Variants in TRIM66 observed in about 807,000 individuals in gnomAD.
The protein encoded by TRIM66 is tripartite motif-containing protein 66.
TRIM66 carries 99 observed loss-of-function variants against 148.2 expected under a neutral mutation model. That is an observed-to-expected ratio of 0.67 (90% CI 0.57 to 0.79). The LOEUF (loss-of-function observed/expected upper bound fraction) is 0.79, where lower values mean the gene tolerates loss of function less well. Among genes scored for constraint, TRIM66 ranks in the 30% least tolerant of loss-of-function variants. The probability of loss-of-function intolerance (pLI) is 0.00; values close to 1 mark genes in which losing one functional copy is unlikely to be tolerated. For synonymous variants in TRIM66, 616 were observed against 635.9 expected, an observed-to-expected ratio of 0.97 and a Z score of 0.47; for missense variants, 1,666 against 1,697.9, an observed-to-expected ratio of 0.98 and a Z score of 0.33.
At position 8,621,321 on chromosome 11, in the gene TRIM66, C is replaced by T; in HGVS notation, c.3256G>A (p.Val1086Ile). The change falls in exon 20 of 25, where the codon GTC becomes ATC. Residue 1086 changes from valine (V) to isoleucine (I), a missense_variant and splice_region_variant. By Grantham distance (29) the Val-to-Ile change is conservative. This residue lies in a region of TRIM66 where 1,431 missense variants were observed against 1,412.4 expected (regional missense o/e 1.01). Coordinates refer to ENST00000646038, the MANE Select transcript of TRIM66 (RefSeq NM_001388022.1). ...GTESSSMSIKVSQDRLSEATQ... is the reference protein window; with the variant it reads ...GTESSSMSIKISQDRLSEATQ... Reference sequence around the variant, plus strand: ...GCCTCAGACAGTCTGTCCTGGCTGACCTTGGGGAAGAAGTAAGTCTGGGCA... The same window carrying T: ...GCCTCAGACAGTCTGTCCTGGCTGATCTTGGGGAAGAAGTAAGTCTGGGCA... 1.3e-6 allele frequency: 2 copies of T among 1,548,486 alleles called. No homozygotes were observed. The highest frequency in any genetic ancestry group is 1.7e-6 in the Non-Finnish European group (2 of 1,144,948).
At position 8,640,731 on chromosome 11, in the gene TRIM66, C is replaced by A; in HGVS notation, c.1644G>T (p.Gly548=). The A allele has an allele frequency of 3.2e-6, 5 of 1,551,454 alleles. No individual in the cohort carries two copies. Among genetic ancestry groups the A allele is most frequent in the Non-Finnish European group, 4.4e-6 (5 of 1,146,976 alleles). Residue 548 remains glycine, a synonymous_variant, in exon 14 of 25, where the codon GGG becomes GGT. Coordinates refer to ENST00000646038, the MANE Select transcript of TRIM66 (RefSeq NM_001388022.1). Reference sequence around the variant, plus strand: ...ACACGGGCTGGGAAGTCAGCTGCTGCCCCAGCCGCTGGGATGTGCTCTCCT... The same window carrying A: ...ACACGGGCTGGGAAGTCAGCTGCTGACCCAGCCGCTGGGATGTGCTCTCCT... ...VEQESTSQRL[G]QQLTSQPVCI... is the part of the protein sequence containing the mutation.
At chr11:8,638,410 C>G (rs115418390) in intron 15 of TRIM66, among the ~76,000 whole-genome samples, 373 of 152,298 alleles carry the variant, frequency 2.4e-3, no homozygotes, top group African/African-American at 8.6e-3. Flanking sequence ...CTTTCCCTTC[C>G]TCCTTCCACT....
At chr11:8,622,706 G>T in intron 18 of TRIM66, 110 bp downstream of exon 18, 1 of 1,033,878 alleles carries the variant, frequency 9.7e-7, no homozygotes, top group South Asian at 1.4e-5. Context: ...GGCAGTTGCA[G>T]GCAAATTTCT....
In TRIM66 at chr11:8,672,286, A is replaced by G; in HGVS notation, c.-12T>C. The G allele has an allele frequency of 6.5e-7, 1 of 1,536,134 alleles. No homozygotes were observed. Among genetic ancestry groups the G allele is most frequent in the Non-Finnish European group, 8.7e-7 (1 of 1,146,904 alleles). ...GAGAGTCTAGCCATCTCTGCCGTGG[A>G]AAACAAAGCGTGGAGGTGTCTGCTG... On this transcript the variant is annotated 5_prime_UTR_variant, in exon 5 of 25. Transcript: ENST00000646038.
At chr11:8,644,976 T>G (rs909437195) in intron 12 of TRIM66, among the ~76,000 whole-genome samples, 12 of 152,232 alleles carry the variant, frequency 7.9e-5, no homozygotes, top group African/African-American at 2.9e-4. Context: ...TTCTAACCTC[T>G]GACCATTGCT....
chr11:8,612,608 A>C lies in TRIM66; in HGVS notation c.*5336T>G, dbSNP rs757117323. ...CCAATAGCTGCCTCCAACTCCAGAA[A>C]CAACTGGAGCAAGCAGGTGGTGGTG... On this transcript the variant is annotated 3_prime_UTR_variant, in exon 25 of 25. Coordinates refer to ENST00000646038, the MANE Select transcript of TRIM66 (RefSeq NM_001388022.1). 3.3e-5 allele frequency: 5 copies of C among 152,232 alleles called. No individual in the cohort carries two copies. The highest frequency in any genetic ancestry group is 7.3e-5 in the Non-Finnish European group (5 of 68,064). 9.4% of individuals were successfully genotyped at this position (152,232 alleles called of 1,614,324 possible).
At chr11:8,620,217 T>C in intron 21 of TRIM66, 93 bp from the exon 22 acceptor site, 2 of 1,348,314 alleles carry the variant, frequency 1.5e-6, no homozygotes, top group Non-Finnish European at 2.0e-6. Flanking sequence ...CCTGGCTCTG[T>C]CCCACAGGAT....
rs1044049623 is a variant in TRIM66 at position 8,640,769 on chromosome 11, G to A, written c.1606C>T (p.Pro536Ser). The change falls in exon 14 of 25, where the codon CCC becomes TCC. Residue 536 changes from proline to serine, a missense_variant. Transcript: ENST00000646038. The part of the protein sequence containing the change: ...KLLQPWLETQ[P>S]PVEQESTSQR... ...GATGTGCTCTCCTGCTCCACGGGGG[G>A]CTGGGTTTCCAGCCAGGGCTGCAGC... The A allele has an allele frequency of 3.9e-6, 6 of 1,551,090 alleles. No homozygotes were observed. The highest frequency in any genetic ancestry group is 4.4e-6 in the Non-Finnish European group (5 of 1,146,992).
chr11:8,622,559 G>T (rs1205558152), intron 18 of TRIM66, among the ~76,000 whole-genome samples: 1 of 151,148 alleles, frequency 6.6e-6, no homozygotes, highest in Non-Finnish European at 1.5e-5. Context: ...GAAGCCCTAT[G>T]GTGTAGTCCT....
At chr11:8,665,687 G>C (rs2038543894) in intron 6 of TRIM66, among the ~76,000 whole-genome samples, 1 of 152,214 alleles carries the variant, frequency 6.6e-6, no homozygotes, top group Non-Finnish European at 1.5e-5. Context: ...GCCAGGCACG[G>C]TGGCTCATGC....
chr11:8,656,286 A>G (rs1259713426), intron 6 of TRIM66, among the ~76,000 whole-genome samples: 2 of 152,264 alleles, frequency 1.3e-5, no homozygotes, highest in African/African-American at 2.4e-5. Flanking sequence ...TTATAAATAC[A>G]TATTTAAATC....
chr11:8,657,744 G>A (rs980880642), intron 6 of TRIM66, among the ~76,000 whole-genome samples: 1 of 152,110 alleles, frequency 6.6e-6, no homozygotes, highest in African/African-American at 2.4e-5. Flanking sequence ...CACAGCCCCT[G>A]AAGGCTTCCT....
intron 3 of TRIM66, among the ~76,000 whole-genome samples, chr11:8,675,230 G>A (rs1052984233): frequency 1.3e-5 from 2 of 152,170 alleles, no homozygotes; most frequent in Non-Finnish European, 2.9e-5. Context: ...TTTAAGCATT[G>A]AGAAGCTGCC....
chr11:8,682,145 A>G (rs1162081177), intron 1 of TRIM66, among the ~76,000 whole-genome samples: 1 of 152,236 alleles, frequency 6.6e-6, no homozygotes, highest in Admixed American at 6.5e-5. Context: ...CCCTGAAGCA[A>G]TTTAAGTTGC....
At chr11:8,663,395 A>T (rs965076208) in intron 6 of TRIM66, 5 of 152,340 alleles carry the variant, frequency 3.3e-5, no homozygotes, top group Non-Finnish European at 7.3e-5. Flanking sequence ...TTTCCTATGC[A>T]TACATACCTA....
Position 8,616,087 on chromosome 11 carries a change from G to A in TRIM66, c.*1857C>T, listed in dbSNP as rs1352162440. 1 of 152,202 alleles carries A rather than the reference G, an allele frequency of 6.6e-6. No homozygotes were observed. Among genetic ancestry groups the A allele is most frequent in the Non-Finnish European group, 1.5e-5 (1 of 68,044 alleles). The allele number at this position is 152,202 out of a possible 1,614,324, so 9.4% of individuals were successfully genotyped here. A position where few individuals can be genotyped will look rare whatever the true frequency, so the allele number is the denominator to read the frequency against. ...CAGAAAGTCATGTGAGTCTCAAAGGGCAGAAGCCTAAGTCCAAAGATTGCC... is the reference window on the plus strand; with the variant it reads ...CAGAAAGTCATGTGAGTCTCAAAGGACAGAAGCCTAAGTCCAAAGATTGCC... On this transcript the variant is annotated 3_prime_UTR_variant, in exon 25 of 25. Transcript: ENST00000646038.
chr11:8,620,299 C>A, intron 21 of TRIM66, 147 bp downstream of exon 21: 1 of 1,383,150 alleles, frequency 7.2e-7, no homozygotes, highest in Non-Finnish European at 9.7e-7. Context: ...GGAAAATTAT[C>A]CAAACACCCC....
intron 23 of TRIM66, 74 bp downstream of exon 23, chr11:8,619,309 T>TG: frequency 1.8e-5 from 26 of 1,413,412 alleles, no homozygotes; most frequent in Non-Finnish European, 2.2e-5. Flanking sequence ...AAACCTAACC[T>TG]CCCAACCCTA....
At chr11:8,647,185 T>C (rs2036939803) in intron 10 of TRIM66, among the ~76,000 whole-genome samples, 1 of 151,968 alleles carries the variant, frequency 6.6e-6, no homozygotes. Context: ...AGACAGTAAT[T>C]ATGTACAGTT....
Sources: gnomAD v4.1 joint callset for allele counts (sites outside exome capture counted in the v4.1 genomes callset) on GRCh38, gnomAD v4.1.1 for gene constraint, gnomAD v4.1.1 regional missense constraint, MANE v1.5 for transcripts, NCBI Gene and HGNC (gene_info 2026-07-23, HGNC 2026-07-21) for gene names.